Variants in RGS5 observed in about 807,000 individuals in gnomAD.
RGS5 encodes regulator of G protein signaling 5.
A neutral mutation model predicts 18.9 loss-of-function variants in RGS5; 20 were observed. The observed-to-expected ratio is 1.06, with a 90% CI of 0.74 to 1.54. The LOEUF (loss-of-function observed/expected upper bound fraction) is 1.54. Among genes scored for constraint, RGS5 ranks in the 40% most tolerant of loss-of-function variants. The probability of loss-of-function intolerance (pLI) is 0.00; values close to 1 mark genes in which losing one functional copy is unlikely to be tolerated. For synonymous variants in RGS5, 57 were observed against 76.2 expected (o/e 0.75, Z 1.31); for missense variants, 201 against 211.8 (o/e 0.95, Z 0.32).
chr1:163,218,340 A>G (rs761706504), upstream of RGS5, among the ~76,000 whole-genome samples: 24 of 152,260 alleles, frequency 1.6e-4, no homozygotes, highest in Non-Finnish European at 3.4e-4. Context: ...TTTGTCACCA[A>G]TAGAATTCAC....
chr1:163,157,043 G>A (rs977809252), intron 3 of RGS5, among the ~76,000 whole-genome samples: 5 of 152,144 alleles, frequency 3.3e-5, no homozygotes, highest in African/African-American at 7.2e-5. Flanking sequence ...CAAAAGGGGA[G>A]TGCAAAGATA....
intron 2 of RGS5, among the ~76,000 whole-genome samples, chr1:163,227,046 C>T (rs1290301711): frequency 6.6e-6 from 1 of 152,218 alleles, no homozygotes; most frequent in Non-Finnish European, 1.5e-5. Flanking sequence ...CCATCTTTCA[C>T]TTGAGTTAAT....
chr1:163,208,728 A>G (rs1388660440), intron 1 of RGS5, among the ~76,000 whole-genome samples: 2 of 152,074 alleles, frequency 1.3e-5, no homozygotes, highest in East Asian at 3.8e-4. Context: ...AACAAAGGTA[A>G]ATACTTTTTA....
chr1:163,147,411 A>G lies in RGS5; in HGVS notation c.477T>C (p.His159=), dbSNP rs749263506. 3.1e-6 allele frequency: 5 copies of G among 1,613,242 alleles called. No individual in the cohort carries two copies. The highest frequency in any genetic ancestry group is 1.1e-5 in the South Asian group (1 of 90,936). Residue 159 remains histidine, a synonymous_variant, in exon 5 of 5, where the codon CAT becomes CAC. Transcript: ENST00000313961. ...GCAGAGAATCCTTTTCCATCAGGGC[A>G]TGGATTCTTTTCTGGGCCATGTCAA... is the stretch of plus-strand genomic sequence containing the variant. ...SSFDMAQKRI[H]ALMEKDSLPR...
intron 2 of RGS5, among the ~76,000 whole-genome samples, chr1:163,226,163 G>A (rs924410013): frequency 5.3e-5 from 8 of 149,734 alleles, no homozygotes; most frequent in Non-Finnish European, 9.0e-5. Flanking sequence ...CAGGTGATCC[G>A]CCCACCTTGG....
intron 2 of RGS5, among the ~76,000 whole-genome samples, chr1:163,278,894 T>C (rs959891234): frequency 6.6e-6 from 1 of 151,046 alleles, no homozygotes; most frequent in African/African-American, 2.4e-5. Context: ...CACCCAGGAG[T>C]GGCCATACTT....
intron 2 of RGS5, among the ~76,000 whole-genome samples, chr1:163,276,990 A>C (rs1229049007): frequency 6.6e-6 from 1 of 152,158 alleles, no homozygotes; most frequent in Non-Finnish European, 1.5e-5. Flanking sequence ...GAAAAAGCTG[A>C]CCAGGATTAA....
rs1657181213 is a variant in RGS5, at chr1:163,147,421, T to C, written c.467A>G (p.Lys156Arg). The change falls in exon 5 of 5, where the codon AAA becomes AGA. Residue 156 changes from lysine (K) to arginine (R), a missense_variant. Lys to Arg is a conservative substitution (Grantham distance 26, BLOSUM62 2). Transcript: ENST00000313961. ...CTTTTCCATCAGGGCATGGATTCTT[T>C]TCTGGGCCATGTCAAAGCTGCTCAG... is the stretch of plus-strand genomic sequence containing the variant. ...PSLSSFDMAQ[K>R]RIHALMEKDS... is the part of the protein sequence containing the mutation. 6.2e-7 allele frequency: 1 copy of C among 1,613,286 alleles called. No homozygotes were observed. Among genetic ancestry groups the C allele is most frequent in the African/African-American group, 1.3e-5 (1 of 74,898 alleles).
chr1:163,307,915 T>A (rs540167128), intron 1 of RGS5, among the ~76,000 whole-genome samples: 1 of 152,186 alleles, frequency 6.6e-6, no homozygotes, highest in African/African-American at 2.4e-5. Context: ...ATCCAGAAAA[T>A]AATGAGCAGT....
chr1:163,275,577 T>C (rs1226398981), intron 2 of RGS5, among the ~76,000 whole-genome samples: 1 of 152,222 alleles, frequency 6.6e-6, no homozygotes, highest in African/African-American at 2.4e-5. Context: ...GCTGATATAG[T>C]AATTTTCAAG....
chr1:163,195,480 G>A (rs998950074), intron 1 of RGS5, among the ~76,000 whole-genome samples: 1 of 152,024 alleles, frequency 6.6e-6, no homozygotes, highest in African/African-American at 2.4e-5. Context: ...ACAGGGTGCA[G>A]TGCTTGGGTG....
At chr1:163,223,540 A>G (rs577352256) in intron 2 of RGS5, among the ~76,000 whole-genome samples, 3 of 152,258 alleles carry the variant, frequency 2.0e-5, no homozygotes, top group African/African-American at 7.2e-5. Flanking sequence ...GCATTCCTAT[A>G]TCTCCAAACC....
chr1:163,269,525 T>C (rs1571330863), intron 2 of RGS5, among the ~76,000 whole-genome samples: 1 of 152,114 alleles, frequency 6.6e-6, no homozygotes, highest in South Asian at 2.1e-4. Flanking sequence ...CACTCTAGGG[T>C]TGGTTATGGG....
In RGS5 at chr1:163,282,551, T is replaced by C. The variant is rs78241957; in HGVS notation, c.-281+23682A>G. On this transcript the variant is annotated intron_variant, in intron 2 of 5. Transcript: ENST00000618415. ...TGAGATCCTGTCTCTATGAAAACATTTTTTAAAAATTAGCCAGGCATGTTT... is the reference window on the plus strand; with the variant it reads ...TGAGATCCTGTCTCTATGAAAACATCTTTTAAAAATTAGCCAGGCATGTTT... Among the ~76,000 whole-genome samples the C allele has an allele frequency of 4.3e-4, 66 of 152,026 alleles. No individual in the cohort carries two copies. The East Asian group carries it at 0.012, about 27-fold the overall frequency.
chr1:163,179,124 C>CA (rs1658693401), intron 1 of RGS5, among the ~76,000 whole-genome samples: 1 of 152,134 alleles, frequency 6.6e-6, no homozygotes, highest in Non-Finnish European at 1.5e-5. Context: ...TCAAGTGGAA[C>CA]ATTGAACTCT....
intron 3 of RGS5, among the ~76,000 whole-genome samples, chr1:163,159,056 GTC>G (rs752737182): frequency 6.6e-6 from 1 of 152,176 alleles, no homozygotes; most frequent in Non-Finnish European, 1.5e-5. Context: ...AGAGAAATAT[GTC>G]TCTGTTCCAC....
intron 1 of RGS5, among the ~76,000 whole-genome samples, chr1:163,198,601 A>G (rs1374817989): frequency 6.6e-6 from 1 of 152,130 alleles, no homozygotes; most frequent in African/African-American, 2.4e-5. Context: ...TAAAGCAACC[A>G]GTTCAATTAT....
chr1:163,251,274 C>T, intron 2 of RGS5, among the ~76,000 whole-genome samples: 1 of 152,202 alleles, frequency 6.6e-6, no homozygotes, highest in South Asian at 2.1e-4. Flanking sequence ...AGTATATAAA[C>T]AATCCCAAAT....
intron 1 of RGS5, among the ~76,000 whole-genome samples, chr1:163,178,073 C>T (rs1233691359): frequency 1.3e-5 from 2 of 152,092 alleles, no homozygotes; most frequent in Admixed American, 1.3e-4. Flanking sequence ...GAGGCCAAGG[C>T]GGGTGGATCA....
Sources: gnomAD v4.1 joint callset for allele counts (sites outside exome capture counted in the v4.1 genomes callset) on GRCh38, gnomAD v4.1.1 for gene constraint, MANE v1.5 for transcripts, NCBI Gene and HGNC (gene_info 2026-07-23, HGNC 2026-07-21) for gene names.